Variants in EPHB1 observed in about 807,000 individuals in gnomAD.
EPHB1 encodes the protein ephrin type-B receptor 1.
A neutral mutation model predicts 94.4 loss-of-function variants in EPHB1; 30 were observed. That is an observed-to-expected ratio of 0.32 (90% CI 0.24 to 0.43). The LOEUF is 0.43. Ranked by LOEUF, EPHB1 falls within the 20% of genes least tolerant of loss-of-function variation. The pLI, the probability that EPHB1 is intolerant of heterozygous loss-of-function variation, is 1.00. For synonymous variants in EPHB1, 522 were observed against 489.1 expected (o/e 1.07, Z -0.89); for missense variants, 1,055 against 1,308.3 (o/e 0.81, Z 2.99).
At chr3:134,912,533 C>CCT (rs949709686) in intron 1 of EPHB1, among the ~76,000 whole-genome samples, 14 of 151,490 alleles carry the variant, frequency 9.2e-5, no homozygotes, top group Non-Finnish European at 1.5e-4. Flanking sequence ...CTGGCCTCTG[C>CCT]CTCTCTCTCT....
At chr3:135,154,391 GAC>G (rs1941289997) in intron 6 of EPHB1, 115 bp downstream of exon 6, 1 of 1,454,648 alleles carries the variant, frequency 6.9e-7, no homozygotes, top group Non-Finnish European at 9.3e-7. Flanking sequence ...GGATTCTGGT[GAC>G]AGAGGCCAGA....
intron 15 of EPHB1, among the ~76,000 whole-genome samples, chr3:135,256,353 G>A (rs538344058): frequency 2.0e-5 from 3 of 152,278 alleles, no homozygotes; most frequent in East Asian, 3.9e-4. Flanking sequence ...GCAGCAGCTG[G>A]TACTGGTTGT....
intron 1 of EPHB1, among the ~76,000 whole-genome samples, chr3:134,816,030 C>T (rs1025652395): frequency 1.7e-4 from 2 of 11,922 alleles, no homozygotes; most frequent in Non-Finnish European, 4.3e-4. Flanking sequence ...GTCCTCTGCA[C>T]GTTGTCCTTC....
chr3:135,053,177 A>C (rs544881498), intron 3 of EPHB1, among the ~76,000 whole-genome samples: 27 of 14,398 alleles, frequency 1.9e-3, no homozygotes, highest in Non-Finnish European at 2.2e-3. Context: ...TTTTTAGATA[A>C]GATTAACATT....
chr3:134,804,558 T>TG (rs1037906546), intron 1 of EPHB1, among the ~76,000 whole-genome samples: 16 of 151,876 alleles, frequency 1.1e-4, no homozygotes, highest in Non-Finnish European at 1.6e-4. Flanking sequence ...TGGGTGTGTG[T>TG]GGGGGGGAGG....
chr3:135,069,169 A>T (rs1006289731), intron 3 of EPHB1, among the ~76,000 whole-genome samples: 11 of 151,272 alleles, frequency 7.3e-5, no homozygotes, highest in South Asian at 2.1e-4. Flanking sequence ...TGATTTTTAA[A>T]TTTTTTTTAT....
At chr3:134,891,774 G>A (rs924338431) in intron 1 of EPHB1, among the ~76,000 whole-genome samples, 2 of 152,178 alleles carry the variant, frequency 1.3e-5, no homozygotes, top group African/African-American at 2.4e-5. Flanking sequence ...GTCTGTTTGA[G>A]GGTTGGGAAA....
At chr3:134,850,531 CCTCA>C in intron 1 of EPHB1, among the ~76,000 whole-genome samples, 1 of 152,314 alleles carries the variant, frequency 6.6e-6, no homozygotes, top group South Asian at 2.1e-4. Context: ...GGGGACTTGA[CCTCA>C]CTGACTGTTC....
intron 13 of EPHB1, among the ~76,000 whole-genome samples, chr3:135,241,608 A>C (rs1220495351): frequency 6.6e-6 from 1 of 152,156 alleles, no homozygotes; most frequent in Non-Finnish European, 1.5e-5. Flanking sequence ...TTAAGCAGTA[A>C]AGTCTACCCT....
chr3:135,228,112 G>A (rs1025423068), intron 12 of EPHB1, among the ~76,000 whole-genome samples: 2 of 152,092 alleles, frequency 1.3e-5, no homozygotes, highest in African/African-American at 2.4e-5. Context: ...GACCCAAAAA[G>A]TATCTTTTTT....
chr3:135,245,760 T>C (rs1943906468), intron 13 of EPHB1, among the ~76,000 whole-genome samples: 2 of 140,358 alleles, frequency 1.4e-5, no homozygotes, highest in African/African-American at 2.8e-5. Context: ...GATCTGAGAT[T>C]GTGCCACTGC....
chr3:134,823,989 G>C (rs776794418), intron 1 of EPHB1: 2 of 152,136 alleles, frequency 1.3e-5, no homozygotes, highest in Non-Finnish European at 2.9e-5. Flanking sequence ...GCTGCACAAA[G>C]GGAAGCACAC....
At chr3:135,210,133 A>T (rs1475348411) in intron 12 of EPHB1, among the ~76,000 whole-genome samples, 1 of 152,216 alleles carries the variant, frequency 6.6e-6, no homozygotes, top group Admixed American at 6.5e-5. Flanking sequence ...TCAAATTCTC[A>T]ATTCTCAAAT....
intron 1 of EPHB1, among the ~76,000 whole-genome samples, chr3:134,879,686 G>A (rs59415167): frequency 0.066 from 10,005 of 152,030 alleles, 1,049 homozygotes; most frequent in African/African-American, 0.23. Context: ...AAATTCAATG[G>A]AGGAAATTGG....
chr3:135,242,178 G>A (rs555676910), intron 13 of EPHB1, among the ~76,000 whole-genome samples: 18 of 152,256 alleles, frequency 1.2e-4, no homozygotes, highest in African/African-American at 4.1e-4. Context: ...TTTGTGTTTT[G>A]CATACATACC....
At chr3:134,867,902 A>T (rs1386667131) in intron 1 of EPHB1, among the ~76,000 whole-genome samples, 1 of 152,150 alleles carries the variant, frequency 6.6e-6, no homozygotes, top group African/African-American at 2.4e-5. Flanking sequence ...TCAGTCTGTA[A>T]TGGAAAAGGA....
chr3:134,949,011 T>A (rs569460870), intron 2 of EPHB1, among the ~76,000 whole-genome samples: 19 of 152,300 alleles, frequency 1.2e-4, no homozygotes, highest in African/African-American at 4.6e-4. Flanking sequence ...GGGATGTTAG[T>A]CTTTGGCATT....
chr3:135,222,889 G>GT (rs1044589785), intron 12 of EPHB1, among the ~76,000 whole-genome samples: 2 of 152,146 alleles, frequency 1.3e-5, no homozygotes, highest in Admixed American at 1.3e-4. Context: ...AGATTGCTGT[G>GT]TTTTTTGTTA....
At chr3:135,250,564 T>G (rs34206167) in intron 15 of EPHB1, among the ~76,000 whole-genome samples, 11,985 of 151,844 alleles carry the variant, frequency 0.079, 582 homozygotes, top group Middle Eastern at 0.19. Flanking sequence ...AGCATAAGGG[T>G]TTTTTAAAGC....
Sources: gnomAD v4.1 joint callset for allele counts (sites outside exome capture counted in the v4.1 genomes callset) on GRCh38, gnomAD v4.1.1 for gene constraint, MANE v1.5 for transcripts, NCBI Gene and HGNC (gene_info 2026-07-23, HGNC 2026-07-21) for gene names.